Variants in CCDC148 observed in about 807,000 individuals in gnomAD.
CCDC148 encodes the protein coiled-coil domain-containing protein 148.
CCDC148 carries 89 observed loss-of-function variants against 85.7 expected under a neutral mutation model. That is an observed-to-expected ratio of 1.04 (90% CI 0.87 to 1.24). The LOEUF (loss-of-function observed/expected upper bound fraction) is 1.24, where lower values mean the gene tolerates loss of function less well. CCDC148 is among the 50% of genes most tolerant of loss of function. CCDC148 has a pLI of 0.00. For synonymous variants in CCDC148, 230 were observed against 213.9 expected (o/e 1.08, Z -0.66); for missense variants, 692 against 671.7 (o/e 1.03, Z -0.33).
chr2:158,372,571 T>A lies in CCDC148; in HGVS notation c.26-14001A>T, dbSNP rs1574712348. 3.3e-5 allele frequency among the ~76,000 whole-genome samples: 5 copies of A among 152,176 alleles called. No homozygotes were observed. The South Asian group carries it at 1.0e-3, about 32-fold the overall frequency. On this transcript the variant is annotated intron_variant, in intron 1 of 13. Transcript: ENST00000283233. ...CCAGCCTACATACCTGGACTTGATG[T>A]AAGAGGTTCACCTGCTTCCCCTTGG...
intron 11 of CCDC148, among the ~76,000 whole-genome samples, chr2:158,208,458 C>G (rs1199205102): frequency 6.6e-6 from 1 of 152,092 alleles, no homozygotes; most frequent in East Asian, 1.9e-4. Flanking sequence ...AGTGTGGGAC[C>G]TGAGCTCTGC....
intron 1 of CCDC148, among the ~76,000 whole-genome samples, chr2:158,381,746 C>T (rs377107026): frequency 1.3e-4 from 20 of 152,176 alleles, no homozygotes; most frequent in African/African-American, 4.8e-4. Flanking sequence ...AAAAACTAGC[C>T]GAGTGTGGTG....
At chr2:158,349,480 C>T (rs974290364) in intron 2 of CCDC148, among the ~76,000 whole-genome samples, 1 of 151,540 alleles carries the variant, frequency 6.6e-6, no homozygotes, top group Admixed American at 6.6e-5. Context: ...AAGAGAGATA[C>T]TATTATAATA....
rs183949080 is a variant in CCDC148 at position 158,410,143 on chromosome 2, G to T, written c.25+46272C>A. ...CCTCTAGAACAGTTTTTGATTTAAA[G>T]TCTATTTTGTCTAATTTAAGTTAGC... On this transcript the variant is annotated intron_variant, in intron 1 of 13. Coordinates refer to ENST00000283233, the MANE Select transcript of CCDC148 (RefSeq NM_138803.4). Among the ~76,000 whole-genome samples, 25 of 152,182 alleles carry T rather than the reference G, an allele frequency of 1.6e-4. No individual in the cohort carries two copies. The East Asian group carries it at 3.3e-3, about 20-fold the overall frequency.
At chr2:158,277,933 T>A (rs922204251) in intron 9 of CCDC148, among the ~76,000 whole-genome samples, 1 of 152,144 alleles carries the variant, frequency 6.6e-6, no homozygotes, top group South Asian at 2.1e-4. Context: ...ACATGTTCAA[T>A]GTAAACAAAC....
At chr2:158,449,600 C>A (rs953046631) in intron 1 of CCDC148, among the ~76,000 whole-genome samples, 3 of 152,128 alleles carry the variant, frequency 2.0e-5, no homozygotes, top group Admixed American at 6.5e-5. Flanking sequence ...AGGCACCCAC[C>A]ACCATGCCAA....
At chr2:158,276,641 A>G (rs1689960840) in intron 9 of CCDC148, among the ~76,000 whole-genome samples, 2 of 152,150 alleles carry the variant, frequency 1.3e-5, no homozygotes, top group Non-Finnish European at 2.9e-5. Flanking sequence ...CTGGGCATGA[A>G]GTTATCACAT....
intron 1 of CCDC148, among the ~76,000 whole-genome samples, chr2:158,404,974 GAAGT>G (rs1250081860): frequency 2.0e-5 from 3 of 152,266 alleles, no homozygotes; most frequent in East Asian, 3.9e-4. Flanking sequence ...TCTTTGCAAA[GAAGT>G]AAGTTACCAA....
chr2:158,344,158 T>C (rs1318187914), intron 3 of CCDC148, among the ~76,000 whole-genome samples: 1 of 152,132 alleles, frequency 6.6e-6, no homozygotes, highest in Admixed American at 6.5e-5. Flanking sequence ...TTTCAAGTTA[T>C]GCACATTTTC....
At chr2:158,424,262 G>A (rs192768381) in intron 1 of CCDC148, among the ~76,000 whole-genome samples, 274 of 152,246 alleles carry the variant, frequency 1.8e-3, no homozygotes, top group African/African-American at 6.1e-3. Flanking sequence ...AAAGACACAT[G>A]CACATGTATG....
At chr2:158,182,440 T>A (rs555587638) in intron 11 of CCDC148, among the ~76,000 whole-genome samples, 1 of 152,112 alleles carries the variant, frequency 6.6e-6, no homozygotes, top group South Asian at 2.1e-4. Flanking sequence ...AAATAATGAT[T>A]GGGTTAAACA....
chr2:158,431,867 G>A (rs949131901), intron 1 of CCDC148, among the ~76,000 whole-genome samples: 2 of 152,110 alleles, frequency 1.3e-5, no homozygotes, highest in Admixed American at 1.3e-4. Context: ...GAACCTGGGA[G>A]ATGGAGGTTG....
rs1229418704 is a variant in CCDC148 at position 158,334,636 on chromosome 2, C to T, written c.764+4090G>A. Among the ~76,000 whole-genome samples the T allele has an allele frequency of 6.6e-5, 10 of 152,066 alleles. No individual in the cohort carries two copies. In the South Asian group the frequency reaches 8.3e-4, roughly 13 times the overall value. ...GAGACCTAACCTTATCTTCCAATTGCCTATTATCTAATGCTATCTCTTTAA... is the reference window on the plus strand; with the variant it reads ...GAGACCTAACCTTATCTTCCAATTGTCTATTATCTAATGCTATCTCTTTAA... On this transcript the variant is annotated intron_variant, in intron 7 of 13. Coordinates refer to ENST00000283233, the MANE Select transcript of CCDC148 (RefSeq NM_138803.4).
intron 10 of CCDC148, among the ~76,000 whole-genome samples, chr2:158,241,413 C>T (rs978663042): frequency 1.3e-5 from 2 of 151,990 alleles, no homozygotes; most frequent in African/African-American, 4.8e-5. Flanking sequence ...TCCCATTGAC[C>T]TAAGAATTGT....
At chr2:158,205,826 C>T (rs1035145239) in intron 11 of CCDC148, among the ~76,000 whole-genome samples, 6 of 152,152 alleles carry the variant, frequency 3.9e-5, no homozygotes, top group Non-Finnish European at 8.8e-5. Flanking sequence ...GGCAATGCCA[C>T]TTGTCCTTGA....
chr2:158,283,207 A>C (rs1480360688), intron 9 of CCDC148, among the ~76,000 whole-genome samples: 1 of 152,228 alleles, frequency 6.6e-6, no homozygotes, highest in East Asian at 1.9e-4. Context: ...ACCATTCAGG[A>C]CACAGGCATG....
chr2:158,320,068 A>G (rs1692454076), intron 7 of CCDC148, among the ~76,000 whole-genome samples: 1 of 152,246 alleles, frequency 6.6e-6, no homozygotes, highest in Non-Finnish European at 1.5e-5. Context: ...TGAATTAAAT[A>G]AAATTACCTT....
chr2:158,287,893 A>T (rs1690703674), intron 9 of CCDC148, among the ~76,000 whole-genome samples: 1 of 152,188 alleles, frequency 6.6e-6, no homozygotes, highest in Non-Finnish European at 1.5e-5. Flanking sequence ...GAGGTTCTCC[A>T]TGAGGGCCCC....
chr2:158,360,915 C>A (rs1309683956), intron 1 of CCDC148, among the ~76,000 whole-genome samples: 1 of 151,794 alleles, frequency 6.6e-6, no homozygotes, highest in Non-Finnish European at 1.5e-5. Flanking sequence ...TGCAAGGAAG[C>A]TAAGAACCTT....
Sources: gnomAD v4.1 joint callset for allele counts (sites outside exome capture counted in the v4.1 genomes callset) on GRCh38, gnomAD v4.1.1 for gene constraint, MANE v1.5 for transcripts, NCBI Gene and HGNC (gene_info 2026-07-23, HGNC 2026-07-21) for gene names.